The following BMP8A variants were observed in gnomAD, a reference collection of about 807,000 sequenced individuals.
BMP8A encodes the protein bone morphogenetic protein 8a, also known as BMP-8A.
In BMP8A, 14 loss-of-function variants were observed where a neutral mutation model predicts 36.8. The ratio of observed to expected loss-of-function variants is 0.38; its 90% CI spans 0.25 to 0.60. The LOEUF is 0.60. BMP8A is among the 20% of genes least tolerant of loss of function. The pLI is 0.63. For missense variants in BMP8A, 267 were observed against 551.1 expected, an observed-to-expected ratio of 0.48 and a Z score of 5.16; for synonymous variants, 120 against 237.7, an observed-to-expected ratio of 0.50 and a Z score of 4.55.
intron 1 of BMP8A, among the ~76,000 whole-genome samples, chr1:39,506,698 T>C (rs936031101): frequency 2.0e-5 from 3 of 152,096 alleles, no homozygotes; most frequent in African/African-American, 4.8e-5. Flanking sequence ...CCCTGCATTA[T>C]TCCCAGCCCC....
rs1645487918 is a variant in BMP8A, at chr1:39,526,791, C to T, written c.*993C>T. Among the ~76,000 whole-genome samples, 2 of 152,236 alleles carry T rather than the reference C, an allele frequency of 1.3e-5. No homozygotes were observed. The highest frequency in any genetic ancestry group is 6.5e-5 in the Admixed American group (1 of 15,290). ...CCATGCTGACCCATTTGGGGCTCAG[C>T]ACTGAGACAGAGGCAAGACCAGCAG... is the stretch of plus-strand genomic sequence containing the variant. On this transcript the variant is annotated 3_prime_UTR_variant, in exon 7 of 7. Transcript: ENST00000331593.
intron 1 of BMP8A, among the ~76,000 whole-genome samples, chr1:39,495,011 G>A (rs1173643644): frequency 6.6e-6 from 1 of 151,894 alleles, no homozygotes; most frequent in African/African-American, 2.4e-5. Flanking sequence ...TACTGAGGCT[G>A]GGTGGGGCGG....
chr1:39,510,235 C>T (rs1326349900), intron 1 of BMP8A, among the ~76,000 whole-genome samples: 4 of 111,336 alleles, frequency 3.6e-5, no homozygotes, highest in Non-Finnish European at 5.6e-5. Flanking sequence ...GACCTGTGGG[C>T]GCCTCCACCC....
chr1:39,492,273 C>G lies in BMP8A; in HGVS notation c.282C>G (p.Pro94=), dbSNP rs762634734. ...MAGDDDEDGA[P]AEQRLGRADL... is the part of the protein sequence containing the mutation. The stretch of plus-strand genomic sequence containing the variant: ...GCGACGACGACGAGGACGGCGCGCC[C>G]GCGGAGCAGCGCCTGGGCCGCGCCG... The change falls in exon 1 of 7, where the codon CCC becomes CCG. Residue 94 remains proline (P), a synonymous_variant. Coordinates refer to ENST00000331593, the MANE Select transcript of BMP8A (RefSeq NM_181809.4). The G allele has an allele frequency of 3.7e-5, 58 of 1,563,046 alleles. No homozygotes were observed. The highest frequency in any genetic ancestry group is 4.7e-5 in the Non-Finnish European group (55 of 1,165,422).
chr1:39,527,513 G>A lies in BMP8A; in HGVS notation c.*1715G>A, dbSNP rs1380565431. Among the ~76,000 whole-genome samples the A allele has an allele frequency of 1.4e-4, 21 of 152,216 alleles. No homozygotes were observed. Among genetic ancestry groups the A allele is most frequent in the Admixed American group, 1.4e-3 (21 of 15,284 alleles). The stretch of plus-strand genomic sequence containing the variant: ...AGTTCACGTGCTGCACCCCCAGGGA[G>A]GGGCCTGGGGAGAGCTGGTCCAGCA... On this transcript the variant is annotated 3_prime_UTR_variant, in exon 7 of 7. Coordinates refer to ENST00000331593, the MANE Select transcript of BMP8A (RefSeq NM_181809.4).
intron 6 of BMP8A, chr1:39,523,760 T>C: frequency 8.2e-7 from 1 of 1,223,234 alleles, no homozygotes; most frequent in Non-Finnish European, 1.0e-6. Flanking sequence ...GAGTGCTCTG[T>C]GTGTTTGCGG....
chr1:39,507,001 C>G (rs1645307785), intron 1 of BMP8A, among the ~76,000 whole-genome samples: 1 of 152,222 alleles, frequency 6.6e-6, no homozygotes, highest in Non-Finnish European at 1.5e-5. Flanking sequence ...GTAACAGAGT[C>G]AGGAACCTCC....
At chr1:39,522,663 GTTTT>G (rs1430454385) in intron 5 of BMP8A, among the ~76,000 whole-genome samples, 181 bp downstream of exon 5, 1 of 135,326 alleles carries the variant, frequency 7.4e-6, no homozygotes, top group Non-Finnish European at 1.7e-5. Flanking sequence ...TTGTTGTTGT[GTTTT>G]TTGTTTTTTT....
rs1216045706 is a variant in BMP8A, at chr1:39,524,622, G to A, written c.1060-1027G>A. On this transcript the variant is annotated intron_variant, in intron 6 of 6. Transcript: ENST00000331593. This position sits in a 1 kb window ranked among gnomAD's most constrained non-coding sequence, Gnocchi z 4.0. ...AGGAGAGTGGAGGGAGGTGATGCCG[G>A]GGTGAGCCAGGCCAGCTCCCGTAGG... 6.6e-6 allele frequency among the ~76,000 whole-genome samples: 1 copy of A among 152,156 alleles called. No individual in the cohort carries two copies. Among genetic ancestry groups the A allele is most frequent in the African/African-American group, 2.4e-5 (1 of 41,426 alleles).
In BMP8A at chr1:39,492,256, G is replaced by C; in HGVS notation, c.265G>C (p.Asp89His). ...GTACCACGCCATGGCTGGCGACGAC[G>C]ACGAGGACGGCGCGCCCGCGGAGCA... Reference protein sequence around the residue: ...DLYHAMAGDDDEDGAPAEQRL... With the variant: ...DLYHAMAGDDHEDGAPAEQRL... The change falls in exon 1 of 7, where the codon GAC (aspartate) becomes CAC (histidine). Residue 89 changes from aspartate to histidine, a missense_variant. Around this residue, in one of 7 missense-constraint regions of BMP8A, gnomAD observed 21 missense variants for 59.2 expected, o/e 0.35. Coordinates refer to ENST00000331593, the MANE Select transcript of BMP8A (RefSeq NM_181809.4). 1 of 1,560,760 alleles carries C rather than the reference G, an allele frequency of 6.4e-7. No individual in the cohort carries two copies. Among genetic ancestry groups the C allele is most frequent in the Non-Finnish European group, 8.6e-7 (1 of 1,164,362 alleles).
At chr1:39,493,860 C>T (rs1645182340) in intron 1 of BMP8A, among the ~76,000 whole-genome samples, 1 of 152,172 alleles carries the variant, frequency 6.6e-6, no homozygotes, top group African/African-American at 2.4e-5. Context: ...CCAAGAATGT[C>T]CCCAGGGAGC....
chr1:39,492,601 T>A (rs1409941515), intron 1 of BMP8A, among the ~76,000 whole-genome samples: 2 of 152,302 alleles, frequency 1.3e-5, no homozygotes, highest in East Asian at 3.9e-4. Flanking sequence ...AATTAGGTGA[T>A]GTCTTTGCCC....
chr1:39,509,973 G>A (rs577996412), intron 1 of BMP8A, among the ~76,000 whole-genome samples: 3 of 151,874 alleles, frequency 2.0e-5, no homozygotes, highest in Admixed American at 6.6e-5. Context: ...GCTTTATTCC[G>A]CAACTACAGC....
chr1:39,519,779 A>C (rs1402039840), intron 3 of BMP8A, among the ~76,000 whole-genome samples: 2 of 150,758 alleles, frequency 1.3e-5, no homozygotes, highest in Non-Finnish European at 3.0e-5. Flanking sequence ...TGTCTGTCTG[A>C]GCGTATGTGC....
At chr1:39,509,017 C>T (rs903477091) in intron 1 of BMP8A, among the ~76,000 whole-genome samples, 2 of 152,136 alleles carry the variant, frequency 1.3e-5, no homozygotes, top group Admixed American at 1.3e-4. Context: ...GGGAGGGAGG[C>T]CACAGCACGG....
Position 39,515,677 on chromosome 1 carries a change from C to T in BMP8A, c.673+3773C>T, listed in dbSNP as rs1645389465. On this transcript the variant is annotated intron_variant, in intron 3 of 6. Transcript: ENST00000331593. ...CCCATGTGCAAAGCTGCAGACGTCA[C>T]GGCGGTGGAGGTGGGGGCTTCCCCC... 9.5e-6 allele frequency: 15 copies of T among 1,575,192 alleles called. 2 individuals are homozygous for T. The South Asian group carries it at 1.5e-4, about 15-fold the overall frequency.
intron 1 of BMP8A, among the ~76,000 whole-genome samples, chr1:39,507,029 T>C (rs1645307927): frequency 6.6e-6 from 1 of 152,130 alleles, no homozygotes; most frequent in African/African-American, 2.4e-5. Context: ...TGCCCAAAAG[T>C]GAAATTATGG....
intron 1 of BMP8A, among the ~76,000 whole-genome samples, chr1:39,500,945 C>T (rs979340786): frequency 1.3e-5 from 2 of 152,152 alleles, no homozygotes; most frequent in Non-Finnish European, 1.5e-5. Flanking sequence ...TAAGTCACCA[C>T]GCCCAGCCGA....
chr1:39,498,756 T>TGGGACCAGCCAGGC (rs1281291896), intron 1 of BMP8A, among the ~76,000 whole-genome samples: 2 of 151,962 alleles, frequency 1.3e-5, no homozygotes, highest in African/African-American at 4.8e-5. Flanking sequence ...TTGCTGCCTG[T>TGGGACCAGCCAGGC]GGGACCAGCC....
Sources: allele counts gnomAD v4.1 joint callset (sites outside exome capture counted in the v4.1 genomes callset), GRCh38; gene constraint gnomAD v4.1.1; regional missense constraint gnomAD v4.1.1; non-coding constraint Gnocchi (gnomAD v3.1); transcripts MANE v1.5; gene names NCBI Gene and HGNC (gene_info 2026-07-23, HGNC 2026-07-21).